The following IDO2 variants were observed in gnomAD, a reference collection of about 807,000 sequenced individuals.
IDO2 encodes indoleamine 2,3-dioxygenase 2.
Under a neutral mutation model 45.1 loss-of-function variants are expected in IDO2, and 46 were observed. The observed-to-expected ratio is 1.02, with a 90% CI of 0.80 to 1.30. The LOEUF is 1.30. Among genes scored for constraint, IDO2 ranks in the 50% most tolerant of loss-of-function variants. The pLI is 0.00. For missense variants in IDO2, 544 were observed against 491.8 expected (o/e 1.11, Z -1.00); for synonymous variants, 218 against 184.9 (o/e 1.18, Z -1.45).
intron 9 of IDO2, among the ~76,000 whole-genome samples, chr8:40,007,221 G>A (rs1001246510): frequency 6.6e-6 from 1 of 151,838 alleles, no homozygotes; most frequent in Non-Finnish European, 1.5e-5. Context: ...ATCTGAAGCT[G>A]TGTCTGGATA....
intron 1 of IDO2, among the ~76,000 whole-genome samples, chr8:39,946,910 A>G (rs1236281181): frequency 6.6e-6 from 1 of 152,046 alleles, no homozygotes; most frequent in Admixed American, 6.5e-5. Flanking sequence ...CTGTAATCCC[A>G]GCACTTTGGG....
At chr8:39,994,654 CGGTT>C (rs1802003087) in intron 8 of IDO2, among the ~76,000 whole-genome samples, 5 of 45,960 alleles carry the variant, frequency 1.1e-4, no homozygotes, top group African/African-American at 2.9e-4. Context: ...GTAAATGTCT[CGGTT>C]CAGCCTGAAT....
intron 3 of IDO2, among the ~76,000 whole-genome samples, chr8:39,977,028 A>T (rs999083497): frequency 6.6e-6 from 1 of 152,152 alleles, no homozygotes; most frequent in Non-Finnish European, 1.5e-5. Context: ...TATCTTTCAA[A>T]TGTGTCTAGA....
At chr8:39,979,172 G>A in exon 4 of IDO2, 1 of 1,590,516 alleles carries the variant, frequency 6.3e-7, no homozygotes, top group Non-Finnish European at 8.6e-7. Flanking sequence ...GGAAGGAGAG[G>A]CGCAGCCTGC....
intron 3 of IDO2, among the ~76,000 whole-genome samples, chr8:39,971,615 T>C (rs962972626): frequency 8.5e-5 from 13 of 152,176 alleles, no homozygotes; most frequent in African/African-American, 2.7e-4. Context: ...AAAGCATTCA[T>C]GATTCATGGA....
chr8:39,939,546 C>CA (rs55892879), intron 1 of IDO2, among the ~76,000 whole-genome samples: 786 of 71,254 alleles, frequency 0.011, 75 homozygotes, highest in African/African-American at 0.031. Flanking sequence ...GACTCTGTCT[C>CA]AAAAAAAAAA....
At chr8:39,970,914 G>C (rs1808168613) in intron 3 of IDO2, among the ~76,000 whole-genome samples, 1 of 151,124 alleles carries the variant, frequency 6.6e-6, no homozygotes, top group South Asian at 2.1e-4. Context: ...CTACAGGCAC[G>C]TGCCACCATG....
intron 1 of IDO2, among the ~76,000 whole-genome samples, chr8:39,943,264 G>A (rs1453050028): frequency 4.6e-5 from 7 of 151,944 alleles, no homozygotes; most frequent in African/African-American, 1.7e-4. Flanking sequence ...CCAGCTACTT[G>A]AGAGGCTTAG....
At chr8:39,955,079 T>C (rs1338715509) in intron 2 of IDO2, among the ~76,000 whole-genome samples, 2 of 151,154 alleles carry the variant, frequency 1.3e-5, no homozygotes, top group Non-Finnish European at 2.9e-5. Context: ...CAAATACAGT[T>C]ATATTTTTAG....
At chr8:39,950,711 C>T (rs964462632) in intron 2 of IDO2, among the ~76,000 whole-genome samples, 1 of 152,174 alleles carries the variant, frequency 6.6e-6, no homozygotes, top group Non-Finnish European at 1.5e-5. Flanking sequence ...TCACATTTTA[C>T]ACTTTACCCA....
chr8:39,946,847 T>C (rs761356049), intron 1 of IDO2, among the ~76,000 whole-genome samples: 1 of 151,860 alleles, frequency 6.6e-6, no homozygotes, highest in Non-Finnish European at 1.5e-5. Flanking sequence ...AGTGGTAGGG[T>C]CCCAAAAGTT....
chr8:40,000,102 A>G (rs1377904435), intron 8 of IDO2, among the ~76,000 whole-genome samples: 1 of 152,192 alleles, frequency 6.6e-6, no homozygotes, highest in African/African-American at 2.4e-5. Flanking sequence ...CATCCAGTAT[A>G]CTTTCACTAT....
At chr8:39,988,072 TA>T in intron 7 of IDO2, 102 bp downstream of exon 7, 1 of 685,774 alleles carries the variant, frequency 1.5e-6, no homozygotes, top group Admixed American at 2.4e-5. Flanking sequence ...CAAATGAACA[TA>T]GACCTTGTCC....
chr8:39,972,609 C>CAAAA (rs35394460), intron 3 of IDO2, among the ~76,000 whole-genome samples: 3,291 of 34,498 alleles, frequency 0.095, 778 homozygotes, highest in African/African-American at 0.14. Flanking sequence ...GACTCCATCT[C>CAAAA]AAAAAAAAAA....
At chr8:40,009,438 C>CAA (rs771651973) in intron 9 of IDO2, among the ~76,000 whole-genome samples, 2 of 120,946 alleles carry the variant, frequency 1.7e-5, no homozygotes, top group African/African-American at 6.6e-5. Flanking sequence ...TTAGCCTTTG[C>CAA]AAAAAAAAAA....
chr8:40,006,008 A>G (rs1488085325), intron 9 of IDO2, among the ~76,000 whole-genome samples: 3 of 152,084 alleles, frequency 2.0e-5, no homozygotes, highest in Non-Finnish European at 4.4e-5. Context: ...CCCTTCCACT[A>G]TGTGAGGACA....
chr8:39,989,782 T>A, exon 8 of IDO2: 1 of 1,605,612 alleles, frequency 6.2e-7, no homozygotes, highest in South Asian at 1.1e-5. Context: ...CTCCAAGCCC[T>A]GCAGCGACTG....
chr8:39,998,712 C>T, intron 8 of IDO2, among the ~76,000 whole-genome samples: 2 of 145,140 alleles, frequency 1.4e-5, no homozygotes, highest in Non-Finnish European at 3.0e-5. Flanking sequence ...ATGATCTCGG[C>T]TCACTACAAC....
chr8:39,938,880 A>T (rs1807597097), intron 1 of IDO2, among the ~76,000 whole-genome samples: 1 of 152,204 alleles, frequency 6.6e-6, no homozygotes, highest in Non-Finnish European at 1.5e-5. Flanking sequence ...AAACAATGAG[A>T]TACCACTACA....
Sources: gnomAD v4.1 joint callset for allele counts (sites outside exome capture counted in the v4.1 genomes callset) on GRCh38, gnomAD v4.1.1 for gene constraint, MANE v1.5 for transcripts, NCBI Gene and HGNC (gene_info 2026-07-23, HGNC 2026-07-21) for gene names.